Variants in EGFLAM observed in about 807,000 individuals in gnomAD.
EGFLAM encodes the protein EGF like, fibronectin type III and laminin G domains.
Under a neutral mutation model 113.1 loss-of-function variants are expected in EGFLAM, and 79 were observed. That is an observed-to-expected ratio of 0.70 (90% CI 0.58 to 0.84). EGFLAM has a LOEUF of 0.84. Among genes scored for constraint, EGFLAM ranks in the 40% least tolerant of loss-of-function variants. The pLI is 0.00. For synonymous variants in EGFLAM, 504 were observed against 487.6 expected (o/e 1.03, Z -0.44); for missense variants, 1,265 against 1,291.6 (o/e 0.98, Z 0.32).
Position 38,462,975 on chromosome 5 carries a change from A to G in EGFLAM, c.2839A>G (p.Met947Val). The change falls in exon 21 of 22, where the codon ATG becomes GTG. Residue 947 changes from methionine (M) to valine (V), a missense_variant. Coordinates refer to ENST00000322350, the MANE Select transcript of EGFLAM (RefSeq NM_152403.4). ...GARTGKSPGM[M>V]RQLNINGALY... ...CAGAACAGGCAAATCCCCAGGCATGATGCGGCAGCTTAACATCAATGGAGC... is the reference window on the plus strand; with the variant it reads ...CAGAACAGGCAAATCCCCAGGCATGGTGCGGCAGCTTAACATCAATGGAGC... 6.2e-7 allele frequency: 1 copy of G among 1,614,140 alleles called. No homozygotes were observed. Among genetic ancestry groups the G allele is most frequent in the Non-Finnish European group, 8.5e-7 (1 of 1,180,006 alleles).
chr5:38,289,135 C>T (rs1758241995), intron 1 of EGFLAM, among the ~76,000 whole-genome samples: 1 of 152,136 alleles, frequency 6.6e-6, no homozygotes, highest in African/African-American at 2.4e-5. Context: ...ACCCCTCTTC[C>T]TCTACTCTTG....
chr5:38,315,895 G>A, intron 1 of EGFLAM, among the ~76,000 whole-genome samples: 1 of 152,074 alleles, frequency 6.6e-6, no homozygotes, highest in Admixed American at 6.5e-5. Flanking sequence ...GTCCAACATG[G>A]TGAAACTCTG....
chr5:38,318,445 T>C (rs115980892), intron 1 of EGFLAM, among the ~76,000 whole-genome samples: 2,039 of 151,656 alleles, frequency 0.013, 47 homozygotes, highest in African/African-American at 0.044. Context: ...TACTATAGTA[T>C]ACTAGTATAG....
At chr5:38,283,034 T>C (rs1758057908) in intron 1 of EGFLAM, among the ~76,000 whole-genome samples, 1 of 152,144 alleles carries the variant, frequency 6.6e-6, no homozygotes, top group South Asian at 2.1e-4. Context: ...TTTGAATTTT[T>C]AGTAGAGACG....
At chr5:38,305,348 C>A (rs1341599350) in intron 1 of EGFLAM, 2 of 330,770 alleles carry the variant, frequency 6.0e-6, no homozygotes, top group South Asian at 2.5e-5. Flanking sequence ...TATTTCTAAC[C>A]TAGAATTCCA....
At chr5:38,329,160 G>A (rs1430450513) in intron 1 of EGFLAM, among the ~76,000 whole-genome samples, 1 of 151,980 alleles carries the variant, frequency 6.6e-6, no homozygotes, top group Admixed American at 6.6e-5. Context: ...GTGGTGGCAC[G>A]TGACTGTAGT....
At chr5:38,417,075 C>A (rs900834714) in intron 11 of EGFLAM, among the ~76,000 whole-genome samples, 4 of 151,990 alleles carry the variant, frequency 2.6e-5, no homozygotes, top group Admixed American at 2.6e-4. Flanking sequence ...ATGACCAGGC[C>A]GGGCGTGGTA....
chr5:38,440,411 A>G (rs17639823), intron 17 of EGFLAM, among the ~76,000 whole-genome samples: 2,249 of 152,246 alleles, frequency 0.015, 18 homozygotes, highest in Middle Eastern at 0.024. Context: ...GCTCTGCAAC[A>G]ATTTTTCCAG....
intron 3 of EGFLAM, among the ~76,000 whole-genome samples, chr5:38,348,419 G>A (rs1032631232): frequency 6.6e-6 from 1 of 152,122 alleles, no homozygotes; most frequent in Non-Finnish European, 1.5e-5. Flanking sequence ...TTGGAAAGGA[G>A]GAACACGAGA....
intron 4 of EGFLAM, among the ~76,000 whole-genome samples, chr5:38,350,964 T>C (rs989863298): frequency 7.9e-5 from 12 of 152,112 alleles, no homozygotes; most frequent in African/African-American, 2.9e-4. Flanking sequence ...AGAAGAGATT[T>C]ATAGGCAAAG....
intron 6 of EGFLAM, chr5:38,400,088 C>T (rs1741067444): frequency 6.6e-6 from 1 of 152,170 alleles, no homozygotes; most frequent in Non-Finnish European, 1.5e-5. Flanking sequence ...AATCCTACTC[C>T]TTATTTTATT....
intron 1 of EGFLAM, among the ~76,000 whole-genome samples, chr5:38,280,460 A>G (rs946355721): frequency 2.0e-5 from 3 of 152,118 alleles, no homozygotes; most frequent in African/African-American, 7.2e-5. Context: ...AAGGAGATCA[A>G]ATGAGAGCAG....
At chr5:38,264,256 G>C (rs947102795) in intron 1 of EGFLAM, among the ~76,000 whole-genome samples, 2 of 152,158 alleles carry the variant, frequency 1.3e-5, no homozygotes, top group African/African-American at 4.8e-5. Flanking sequence ...AGTCGAAGAA[G>C]GTCAAGTCAG....
chr5:38,414,717 A>G (rs993627399), intron 11 of EGFLAM, among the ~76,000 whole-genome samples: 1 of 152,128 alleles, frequency 6.6e-6, no homozygotes, highest in Non-Finnish European at 1.5e-5. Context: ...TGAAGGAGCA[A>G]TGTTTAGTTT....
chr5:38,418,647 T>C (rs1025351317), intron 12 of EGFLAM, among the ~76,000 whole-genome samples: 1 of 152,210 alleles, frequency 6.6e-6, no homozygotes, highest in Admixed American at 6.5e-5. Flanking sequence ...CACTCTCTGT[T>C]TCTTAAAGAA....
At chr5:38,368,072 A>G (rs1561051096) in intron 5 of EGFLAM, among the ~76,000 whole-genome samples, 1 of 152,226 alleles carries the variant, frequency 6.6e-6, no homozygotes, top group South Asian at 2.1e-4. Context: ...TCGGTAAATA[A>G]CAGCAGACTG....
intron 12 of EGFLAM, among the ~76,000 whole-genome samples, chr5:38,421,925 A>G (rs534207396): frequency 2.8e-4 from 42 of 152,244 alleles, no homozygotes; most frequent in Admixed American, 1.9e-3. Flanking sequence ...ACAGCTCATT[A>G]GACGGGGCTT....
chr5:38,398,774 G>A (rs1408156131), intron 6 of EGFLAM, among the ~76,000 whole-genome samples: 1 of 152,228 alleles, frequency 6.6e-6, no homozygotes, highest in East Asian at 1.9e-4. Context: ...GGTCTGACCT[G>A]ACATTATTCC....
chr5:38,451,396 C>A lies in EGFLAM; in HGVS notation c.2625C>A (p.Ser875Arg), dbSNP rs1742908134. 1.2e-6 allele frequency: 2 copies of A among 1,614,076 alleles called. No individual in the cohort carries two copies. The highest frequency in any genetic ancestry group is 1.7e-6 in the Non-Finnish European group (2 of 1,180,032). The change falls in exon 19 of 22, where the codon AGC (serine) becomes AGA (arginine). Residue 875 changes from serine (S) to arginine (R), a missense_variant. Transcript: ENST00000322350. ...KDGLLLWRGD[S>R]PMRPNSDFIS... ...GCCTTTTGCTGTGGAGGGGAGACAG[C>A]CCCATGAGACCCAACAGCGACTTCA...
Sources: gnomAD v4.1 joint callset for allele counts (sites outside exome capture counted in the v4.1 genomes callset) on GRCh38, gnomAD v4.1.1 for gene constraint, MANE v1.5 for transcripts, NCBI Gene and HGNC (gene_info 2026-07-23, HGNC 2026-07-21) for gene names.